Variants in NYAP2 observed in about 807,000 individuals in gnomAD.
The protein encoded by NYAP2 is neuronal tyrosine-phosphorylated phosphoinositide-3-kinase adaptor 2.
Under a neutral mutation model 50.4 loss-of-function variants are expected in NYAP2, and 23 were observed. That is an observed-to-expected ratio of 0.46 (90% CI 0.33 to 0.65). NYAP2 has a LOEUF of 0.65. Ranked by LOEUF, NYAP2 falls within the 30% of genes least tolerant of loss-of-function variation. The probability of loss-of-function intolerance (pLI) is 0.02; values close to 1 mark genes in which losing one functional copy is unlikely to be tolerated. For missense variants in NYAP2, 885 were observed against 861.0 expected (o/e 1.03, Z -0.35); for synonymous variants, 394 against 365.2 (o/e 1.08, Z -0.90).
rs7581070 is a variant in NYAP2, at chr2:225,594,251, C to T, written c.1618+11216C>T. On this transcript the variant is annotated intron_variant, in intron 5 of 6. Transcript: ENST00000636099. ...TAAAAACACATTCAATGGCCGGGTG[C>T]GGTGGCTGATGCCTGTAATCCCAGC... is the stretch of plus-strand genomic sequence containing the variant. Among the ~76,000 whole-genome samples the T allele has an allele frequency of 6.0e-3, 914 of 152,190 alleles. 12 individuals are homozygous for T. Among genetic ancestry groups the T allele is most frequent in the African/African-American group, 0.021 (867 of 41,512 alleles).
At chr2:225,513,487 G>A (rs747103789) in exon 4 of NYAP2, 1 of 1,613,870 alleles carries the variant, frequency 6.2e-7, no homozygotes, top group Non-Finnish European at 8.5e-7. Context: ...TGCTCCAGTG[G>A]CTTTTCTGTG....
At chr2:225,559,793 C>T (rs1281232048) in intron 4 of NYAP2, among the ~76,000 whole-genome samples, 11 of 151,912 alleles carry the variant, frequency 7.2e-5, no homozygotes, top group Admixed American at 7.2e-4. Flanking sequence ...GTCACCCTAC[C>T]ATAAAATTTT....
intron 3 of NYAP2, among the ~76,000 whole-genome samples, chr2:225,463,964 A>G (rs1347749037): frequency 6.6e-6 from 1 of 152,182 alleles, no homozygotes; most frequent in Non-Finnish European, 1.5e-5. Context: ...CTAGAATGCA[A>G]CAAAGAACAG....
intron 4 of NYAP2, among the ~76,000 whole-genome samples, chr2:225,515,426 G>T (rs917675230): frequency 6.6e-6 from 1 of 152,066 alleles, no homozygotes; most frequent in Admixed American, 6.5e-5. Context: ...TACTCAGATT[G>T]ATTGTTTTGC....
At chr2:225,597,831 A>C (rs962157941) in intron 5 of NYAP2, among the ~76,000 whole-genome samples, 1 of 151,972 alleles carries the variant, frequency 6.6e-6, no homozygotes, top group Admixed American at 6.6e-5. Flanking sequence ...ATTGCTATGC[A>C]ACTATAAAGG....
At chr2:225,485,433 G>T (rs983367373) in intron 3 of NYAP2, among the ~76,000 whole-genome samples, 1 of 152,162 alleles carries the variant, frequency 6.6e-6, no homozygotes, top group Non-Finnish European at 1.5e-5. Context: ...TCTAAGTTAG[G>T]TTTGTGCTCA....
At chr2:225,692,228 T>A in the NYAP2 span, among the ~76,000 whole-genome samples, 1 of 152,236 alleles carries the variant, frequency 6.6e-6, no homozygotes, top group East Asian at 1.9e-4. Flanking sequence ...TTTGGTATCA[T>A]TTTCAATAAT....
At chr2:225,491,774 A>G (rs1690411181) in intron 3 of NYAP2, among the ~76,000 whole-genome samples, 1 of 152,220 alleles carries the variant, frequency 6.6e-6, no homozygotes, top group South Asian at 2.1e-4. Context: ...TGATCTCAGA[A>G]AAGTTTGCCC....
chr2:225,659,035 C>T, the NYAP2 span, among the ~76,000 whole-genome samples: 24 of 152,290 alleles, frequency 1.6e-4, no homozygotes, highest in African/African-American at 3.1e-4. Flanking sequence ...TCATGCCTGC[C>T]GCCAACAACC....
chr2:225,459,885 G>A (rs544487381), intron 3 of NYAP2, among the ~76,000 whole-genome samples: 45 of 152,024 alleles, frequency 3.0e-4, no homozygotes, highest in Admixed American at 2.2e-3. Context: ...GTGTTAGCCC[G>A]GATGGTCTCG....
the NYAP2 span, among the ~76,000 whole-genome samples, chr2:225,660,711 T>G: frequency 2.6e-5 from 4 of 152,150 alleles, no homozygotes; most frequent in Non-Finnish European, 4.4e-5. Context: ...CAAACAAAAC[T>G]GTTTTATGAC....
chr2:225,652,612 G>A (rs944515160), exon 7 of NYAP2: 5 of 152,166 alleles, frequency 3.3e-5, no homozygotes, highest in African/African-American at 1.2e-4. Flanking sequence ...GTTAAGTAGG[G>A]TGGTGTCATT....
intron 3 of NYAP2, among the ~76,000 whole-genome samples, chr2:225,494,438 G>T (rs984812798): frequency 5.9e-5 from 9 of 152,152 alleles, no homozygotes; most frequent in African/African-American, 2.2e-4. Flanking sequence ...TCATTGTATA[G>T]GTCCAGTCAC....
intron 5 of NYAP2, among the ~76,000 whole-genome samples, chr2:225,623,752 T>C (rs1157050435): frequency 6.6e-6 from 1 of 152,246 alleles, no homozygotes; most frequent in Non-Finnish European, 1.5e-5. Flanking sequence ...CTTGCTCTAT[T>C]TAAAAATACC....
chr2:225,456,037 G>A (rs544736919), intron 3 of NYAP2, among the ~76,000 whole-genome samples: 2 of 152,296 alleles, frequency 1.3e-5, no homozygotes, highest in South Asian at 4.1e-4. Context: ...CCCCAGGCAG[G>A]TTGGTCTCCC....
At chr2:225,612,971 G>A (rs1336073604) in intron 5 of NYAP2, among the ~76,000 whole-genome samples, 2 of 152,140 alleles carry the variant, frequency 1.3e-5, no homozygotes, top group Non-Finnish European at 2.9e-5. Flanking sequence ...AGTGAAGCCT[G>A]GAAGGGCTAG....
intron 3 of NYAP2, among the ~76,000 whole-genome samples, chr2:225,488,427 G>A (rs6708362): frequency 0.21 from 32,165 of 152,078 alleles, 4,207 homozygotes; most frequent in African/African-American, 0.36. Context: ...AGGCTGGAGT[G>A]CAGTGGCATG....
At chr2:225,470,844 G>A (rs918837012) in intron 3 of NYAP2, among the ~76,000 whole-genome samples, 20 of 151,824 alleles carry the variant, frequency 1.3e-4, no homozygotes, top group African/African-American at 4.4e-4. Flanking sequence ...TTGAGATGGG[G>A]TCTCTCTATG....
intron 4 of NYAP2, among the ~76,000 whole-genome samples, chr2:225,520,091 T>A (rs748198318): frequency 6.6e-6 from 1 of 152,260 alleles, no homozygotes; most frequent in Non-Finnish European, 1.5e-5. Flanking sequence ...TGTCTGTTCA[T>A]GTCCTTCGCC....
Sources: gnomAD v4.1 joint callset for allele counts (sites outside exome capture counted in the v4.1 genomes callset) on GRCh38, gnomAD v4.1.1 for gene constraint, MANE v1.5 for transcripts, NCBI Gene and HGNC (gene_info 2026-07-23, HGNC 2026-07-21) for gene names.